Variants in MCF2L2 observed in about 807,000 individuals in gnomAD.
MCF2L2 encodes MCF.2 cell line derived transforming sequence-like 2, also known as probable guanine nucleotide exchange factor MCF2L2.
A neutral mutation model predicts 150.2 loss-of-function variants in MCF2L2; 102 were observed. The ratio of observed to expected loss-of-function variants is 0.68; its 90% CI spans 0.58 to 0.80. The LOEUF is 0.80. Among genes scored for constraint, MCF2L2 ranks in the 30% least tolerant of loss-of-function variants. MCF2L2 has a pLI of 0.00. For missense variants in MCF2L2, 1,256 were observed against 1,372.8 expected, an observed-to-expected ratio of 0.91 and a Z score of 1.34; for synonymous variants, 465 against 491.3, an observed-to-expected ratio of 0.95 and a Z score of 0.71.
At chr3:183,180,572 T>G (rs1721485856) in intron 27 of MCF2L2, among the ~76,000 whole-genome samples, 1 of 152,152 alleles carries the variant, frequency 6.6e-6, no homozygotes, top group South Asian at 2.1e-4. Flanking sequence ...CTCTGCCAAG[T>G]GTCACTGCTC....
chr3:183,250,454 G>T (rs1294277845), intron 15 of MCF2L2, among the ~76,000 whole-genome samples: 1 of 152,090 alleles, frequency 6.6e-6, no homozygotes, highest in Non-Finnish European at 1.5e-5. Context: ...AGGTGTGGTG[G>T]TGCATGACTG....
intron 1 of MCF2L2, chr3:183,400,545 C>T (rs1387991651): frequency 2.2e-6 from 1 of 449,766 alleles, no homozygotes; most frequent in African/African-American, 2.0e-5. Flanking sequence ...TCTCTAGGCA[C>T]TGCACTCACA....
chr3:183,247,764 T>C (rs531074246), intron 15 of MCF2L2, among the ~76,000 whole-genome samples: 2 of 152,356 alleles, frequency 1.3e-5, no homozygotes, highest in South Asian at 2.1e-4. Context: ...GTATTATAAG[T>C]AATCCAGAGA....
chr3:183,201,141 GT>G (rs556112569), intron 25 of MCF2L2, among the ~76,000 whole-genome samples: 59 of 152,100 alleles, frequency 3.9e-4, no homozygotes, highest in African/African-American at 1.3e-3. Context: ...CTTTAAAGTA[GT>G]TTTTTTCCAA....
At chr3:183,192,179 C>T (rs867883006) in intron 27 of MCF2L2, among the ~76,000 whole-genome samples, 5 of 146,958 alleles carry the variant, frequency 3.4e-5, no homozygotes, top group South Asian at 2.2e-4. Flanking sequence ...CTCACTCTGT[C>T]GGCCAGGCTG....
intron 1 of MCF2L2, among the ~76,000 whole-genome samples, chr3:183,408,036 C>T (rs779417666): frequency 2.6e-5 from 4 of 152,142 alleles, no homozygotes; most frequent in South Asian, 2.1e-4. Context: ...AAGATGCCTC[C>T]GGCTCCATTT....
At chr3:183,248,086 G>A (rs923783540) in intron 15 of MCF2L2, among the ~76,000 whole-genome samples, 2 of 152,140 alleles carry the variant, frequency 1.3e-5, no homozygotes, top group Admixed American at 1.3e-4. Flanking sequence ...TCTACCAGCA[G>A]ATATTCTATT....
At chr3:183,234,687 C>CTTTTTTTTTT (rs71185647) in intron 15 of MCF2L2, among the ~76,000 whole-genome samples, 36 of 84,190 alleles carry the variant, frequency 4.3e-4, no homozygotes, top group East Asian at 6.1e-4. Flanking sequence ...ATGTATGACT[C>CTTTTTTTTTT]TTTTTTTTTT....
At chr3:183,289,314 T>A in intron 13 of MCF2L2, 94 bp from the exon 14 acceptor site, 1 of 788,786 alleles carries the variant, frequency 1.3e-6, no homozygotes, top group South Asian at 1.5e-5. Flanking sequence ...ACCACGTCAA[T>A]GTGGCTAACT....
At chr3:183,190,686 C>G (rs549996880) in intron 27 of MCF2L2, among the ~76,000 whole-genome samples, 4 of 152,314 alleles carry the variant, frequency 2.6e-5, no homozygotes, top group African/African-American at 4.8e-5. Context: ...CATAACCTCA[C>G]AGGCATTTCC....
intron 3 of MCF2L2, among the ~76,000 whole-genome samples, chr3:183,344,954 T>C (rs940055830): frequency 4.6e-5 from 7 of 152,144 alleles, no homozygotes; most frequent in Non-Finnish European, 8.8e-5. Flanking sequence ...CAAAGAGACT[T>C]AGACTCCCAC....
intron 2 of MCF2L2, among the ~76,000 whole-genome samples, chr3:183,387,680 C>G (rs888485941): frequency 6.6e-6 from 1 of 152,130 alleles, no homozygotes; most frequent in African/African-American, 2.4e-5. Context: ...TGCCTGTAAT[C>G]CCAGCACTTT....
chr3:183,295,830 C>T (rs975561468), intron 12 of MCF2L2, among the ~76,000 whole-genome samples: 1 of 152,108 alleles, frequency 6.6e-6, no homozygotes, highest in Non-Finnish European at 1.5e-5. Flanking sequence ...TGGTGGCTGG[C>T]ACCTGTCATC....
chr3:183,377,693 T>C (rs537372996), intron 3 of MCF2L2: 1 of 152,204 alleles, frequency 6.6e-6, no homozygotes, highest in East Asian at 1.9e-4. Context: ...AAAGACTCTG[T>C]GAAAGCAGAA....
intron 19 of MCF2L2, 144 bp from the exon 20 acceptor site, chr3:183,223,582 G>A: frequency 1.6e-6 from 1 of 632,690 alleles, no homozygotes; most frequent in Non-Finnish European, 2.8e-6. Flanking sequence ...AGGCTGTGGG[G>A]TTGTTCTTTC....
chr3:183,232,970 C>T (rs1158413485), intron 15 of MCF2L2, among the ~76,000 whole-genome samples: 1 of 152,184 alleles, frequency 6.6e-6, no homozygotes, highest in Non-Finnish European at 1.5e-5. Flanking sequence ...AATTTCACTT[C>T]TAGGAATGTT....
At chr3:183,295,187 A>T in intron 13 of MCF2L2, 113 bp downstream of exon 13, 1 of 1,120,868 alleles carries the variant, frequency 8.9e-7, no homozygotes, top group Non-Finnish European at 1.3e-6. Context: ...AGTTTGTTTT[A>T]AATAGTATCT....
At chr3:183,424,871 G>C (rs1166570442) in intron 1 of MCF2L2, among the ~76,000 whole-genome samples, 6 of 152,210 alleles carry the variant, frequency 3.9e-5, no homozygotes, top group South Asian at 4.2e-4. Context: ...AAACATAATG[G>C]GACAGAGCCA....
intron 4 of MCF2L2, among the ~76,000 whole-genome samples, 167 bp from the exon 5 acceptor site, chr3:183,339,086 G>C (rs1730604202): frequency 1.3e-5 from 2 of 152,104 alleles, no homozygotes; most frequent in African/African-American, 4.8e-5. Context: ...AGAGACCCTA[G>C]AGGTCAGATA....
Sources: allele counts gnomAD v4.1 joint callset (sites outside exome capture counted in the v4.1 genomes callset), GRCh38; gene constraint gnomAD v4.1.1; transcripts MANE v1.5; gene names NCBI Gene and HGNC (gene_info 2026-07-23, HGNC 2026-07-21).